The following SNTG2 variants were observed in gnomAD, a reference collection of about 807,000 sequenced individuals.
SNTG2 encodes the protein syntrophin gamma 2.
In SNTG2, 74 loss-of-function variants were observed where a neutral mutation model predicts 70.9. The ratio of observed to expected loss-of-function variants is 1.04; its 90% CI spans 0.86 to 1.27. SNTG2 has a LOEUF of 1.27. Among genes scored for constraint, SNTG2 ranks in the 50% most tolerant of loss-of-function variants. The pLI is 0.00. For synonymous variants in SNTG2, 278 were observed against 273.8 expected (o/e 1.02, Z -0.15); for missense variants, 717 against 690.7 (o/e 1.04, Z -0.43).
chr2:1,176,102 T>G (rs1260551306), intron 8 of SNTG2, among the ~76,000 whole-genome samples: 1 of 152,200 alleles, frequency 6.6e-6, no homozygotes, highest in Non-Finnish European at 1.5e-5. Context: ...CTCATCCTCC[T>G]TATCAGCAAG....
At chr2:1,312,736 G>A (rs895950258) in intron 15 of SNTG2, among the ~76,000 whole-genome samples, 1 of 152,214 alleles carries the variant, frequency 6.6e-6, no homozygotes, top group African/African-American at 2.4e-5. Context: ...AGCGATTGGT[G>A]CAGACTCTCA....
chr2:1,278,457 A>G (rs913906404), intron 14 of SNTG2, among the ~76,000 whole-genome samples: 13 of 152,202 alleles, frequency 8.5e-5, no homozygotes, highest in Non-Finnish European at 1.8e-4. Context: ...TTACTGCACC[A>G]TGCTATTGTT....
chr2:1,123,973 G>C (rs1039883831), intron 4 of SNTG2, among the ~76,000 whole-genome samples: 1 of 152,196 alleles, frequency 6.6e-6, no homozygotes, highest in Non-Finnish European at 1.5e-5. Context: ...CACAGAAGCT[G>C]GGGATTGGAG....
chr2:1,208,285 CTG>C (rs1286032345), intron 8 of SNTG2, among the ~76,000 whole-genome samples: 1 of 75,272 alleles, frequency 1.3e-5, no homozygotes, highest in East Asian at 1.4e-3. Flanking sequence ...TGGGGCACAC[CTG>C]TGAGTGTGAG....
chr2:1,306,685 A>AGTGTGTGTGTGTGTGTGT (rs34835668), intron 14 of SNTG2, among the ~76,000 whole-genome samples: 6 of 149,110 alleles, frequency 4.0e-5, no homozygotes, highest in Non-Finnish European at 7.4e-5. Context: ...CCAGGGTGTG[A>AGTGTGTGTGTGTGTGTGT]GTGTGTGTGT....
At chr2:1,310,563 T>G (rs1438729674) in intron 15 of SNTG2, among the ~76,000 whole-genome samples, 2 of 151,720 alleles carry the variant, frequency 1.3e-5, no homozygotes, top group East Asian at 3.9e-4. Context: ...TGGGTGGGAG[T>G]GATGTTTGTG....
At chr2:1,148,350 T>C (rs1006840748) in intron 6 of SNTG2, among the ~76,000 whole-genome samples, 1 of 152,186 alleles carries the variant, frequency 6.6e-6, no homozygotes, top group Non-Finnish European at 1.5e-5. Context: ...GCTTTTCATG[T>C]TTGCCAGGGA....
At chr2:1,295,607 A>G (rs1558185775) in intron 14 of SNTG2, among the ~76,000 whole-genome samples, 1 of 152,046 alleles carries the variant, frequency 6.6e-6, no homozygotes, top group Non-Finnish European at 1.5e-5. Flanking sequence ...GTCACCATCA[A>G]TGGCTTCCAC....
intron 9 of SNTG2, among the ~76,000 whole-genome samples, chr2:1,236,405 G>C (rs1676662285): frequency 6.6e-6 from 1 of 152,248 alleles, no homozygotes; most frequent in Non-Finnish European, 1.5e-5. Flanking sequence ...AAGGTGATCA[G>C]AAAGGGCTGT....
intron 14 of SNTG2, among the ~76,000 whole-genome samples, chr2:1,294,915 G>A (rs1680137885): frequency 6.6e-6 from 1 of 152,210 alleles, no homozygotes; most frequent in African/African-American, 2.4e-5. Context: ...ACAGTTTACA[G>A]CCCAGGCACC....
chr2:1,241,255 C>T (rs1356890611), intron 11 of SNTG2, among the ~76,000 whole-genome samples: 1 of 152,208 alleles, frequency 6.6e-6, no homozygotes, highest in African/African-American at 2.4e-5. Context: ...TGAGGACAGC[C>T]GTCCTCTCCC....
rs550128548 is a variant in SNTG2, at chr2:1,064,712, G to A, written c.73-18806G>A. 7.9e-4 allele frequency among the ~76,000 whole-genome samples: 120 copies of A among 152,070 alleles called. No individual in the cohort carries two copies. In the South Asian group the frequency reaches 8.7e-3, roughly 11 times the overall value. On this transcript the variant is annotated intron_variant, in intron 1 of 16. Coordinates refer to ENST00000308624, the MANE Select transcript of SNTG2 (RefSeq NM_018968.4). ...AAAAAACATTAAAAGTGATGCAATG[G>A]GATACTAAGAAATATTTGATTCATT...
chr2:1,288,961 G>A (rs980073789), intron 14 of SNTG2, among the ~76,000 whole-genome samples: 6 of 151,996 alleles, frequency 3.9e-5, no homozygotes, highest in African/African-American at 1.4e-4. Context: ...CTACTCTTAC[G>A]CCTGATTCCT....
rs1383923295 is a variant in SNTG2, at chr2:1,354,341, C to T, written c.1489-13002C>T. On this transcript the variant is annotated intron_variant, in intron 16 of 16. Transcript: ENST00000308624. ...TTTCCATGGGGGAAGTGGAAGACCC[C>T]GGGCTGGAGCTCAGGGACTGGGTGT... 4.2e-5 allele frequency among the ~76,000 whole-genome samples: 2 copies of T among 48,110 alleles called. 1 individual carries two copies. Among genetic ancestry groups the T allele is most frequent in the Non-Finnish European group, 7.1e-5 (2 of 28,086 alleles). 31.6% of individuals were successfully genotyped at this position (48,110 alleles called of 152,430 possible). A position where few individuals can be genotyped will look rare whatever the true frequency, so the allele number is the denominator to read the frequency against.
intron 16 of SNTG2, among the ~76,000 whole-genome samples, chr2:1,361,876 C>G: frequency 1.9e-5 from 1 of 51,644 alleles, no homozygotes; most frequent in African/African-American, 6.7e-5. Flanking sequence ...TGAAAGTCAC[C>G]AACGCTGAGC....
At chr2:1,228,100 A>G (rs1675918367) in intron 9 of SNTG2, among the ~76,000 whole-genome samples, 1 of 152,170 alleles carries the variant, frequency 6.6e-6, no homozygotes, top group African/African-American at 2.4e-5. Context: ...ACCATGTCTC[A>G]GATCTCAGCT....
chr2:1,364,470 A>G (rs2148324671), intron 16 of SNTG2, among the ~76,000 whole-genome samples: 1 of 151,508 alleles, frequency 6.6e-6, no homozygotes, highest in African/African-American at 2.4e-5. Context: ...TAAAACCAAA[A>G]CCCTGGCCGG....
At chr2:1,117,486 A>T (rs2148278065) in intron 4 of SNTG2, among the ~76,000 whole-genome samples, 1 of 152,304 alleles carries the variant, frequency 6.6e-6, no homozygotes, top group Non-Finnish European at 1.5e-5. Flanking sequence ...AAAATATAAC[A>T]TGGCGTGCAG....
intron 16 of SNTG2, among the ~76,000 whole-genome samples, chr2:1,363,137 C>CCCG (rs34011480): frequency 2.0e-5 from 3 of 150,226 alleles, no homozygotes; most frequent in Non-Finnish European, 4.4e-5. Context: ...GGACCCCCCC[C>CCCG]ATGAAAGAGG....
Sources: gnomAD v4.1 joint callset for allele counts (sites outside exome capture counted in the v4.1 genomes callset) on GRCh38, gnomAD v4.1.1 for gene constraint, MANE v1.5 for transcripts, NCBI Gene and HGNC (gene_info 2026-07-23, HGNC 2026-07-21) for gene names.